Variants in PSMA7 observed in about 807,000 individuals in gnomAD.
The protein encoded by PSMA7 is proteasome subunit alpha type-7.
Under a neutral mutation model 31.3 loss-of-function variants are expected in PSMA7, and 5 were observed. The observed-to-expected ratio is 0.16, with a 90% CI of 0.08 to 0.34. The LOEUF (loss-of-function observed/expected upper bound fraction) is 0.34, where lower values mean the gene tolerates loss of function less well. Among genes scored for constraint, PSMA7 ranks in the 10% least tolerant of loss-of-function variants. The pLI, the probability that PSMA7 is intolerant of heterozygous loss-of-function variation, is 1.00. For missense variants in PSMA7, 217 were observed against 327.5 expected (o/e 0.66, Z 2.60); for synonymous variants, 155 against 121.9 (o/e 1.27, Z -1.79).
chr20:62,139,995 C>A, intron 2 of PSMA7, 90 bp from the exon 3 acceptor site: 1 of 1,477,260 alleles, frequency 6.8e-7, no homozygotes, highest in South Asian at 1.3e-5. Flanking sequence ...TAACCTTCCA[C>A]AGACCCCCCA....
intron 6 of PSMA7, 105 bp from the exon 7 acceptor site, chr20:62,137,054 C>T: frequency 2.1e-6 from 3 of 1,461,560 alleles, no homozygotes; most frequent in Non-Finnish European, 2.8e-6. Context: ...GCTCATACAG[C>T]CTCTTTGGAG....
Position 62,143,326 on chromosome 20 carries a change from C to G in PSMA7, c.-23G>C. 1 of 1,362,916 alleles carries G rather than the reference C, an allele frequency of 7.3e-7. No homozygotes were observed. Among genetic ancestry groups the G allele is most frequent in the Non-Finnish European group, 9.6e-7 (1 of 1,038,616 alleles). 84.4% of individuals were successfully genotyped at this position (1,362,916 alleles called of 1,614,324 possible). A position where few individuals can be genotyped will look rare whatever the true frequency, so the allele number is the denominator to read the frequency against. On this transcript the variant is annotated 5_prime_UTR_variant, in exon 1 of 7. Coordinates refer to ENST00000370873, the MANE Select transcript of PSMA7 (RefSeq NM_002792.4). ...CATGCCGGCGGGCGGCGGCCGGGCT[C>G]CTTCCGCCGCGACTCTCAAAAGCGC...
intron 1 of PSMA7, among the ~76,000 whole-genome samples, chr20:62,141,609 C>T (rs923874250): frequency 2.0e-5 from 3 of 152,256 alleles, no homozygotes; most frequent in Admixed American, 6.5e-5. Flanking sequence ...ATGAATCAGT[C>T]CCATGCAAAG....
chr20:62,140,542 T>C (rs2056921656), intron 2 of PSMA7, among the ~76,000 whole-genome samples: 1 of 152,342 alleles, frequency 6.6e-6, no homozygotes, highest in Admixed American at 6.5e-5. Flanking sequence ...TTCTCTAGAT[T>C]GTAACTGATT....
chr20:62,138,533 T>C (rs928393590), intron 4 of PSMA7, among the ~76,000 whole-genome samples: 1 of 151,142 alleles, frequency 6.6e-6, no homozygotes, highest in African/African-American at 2.4e-5. Context: ...TACTGCGCTA[T>C]CAAGAGGCAA....
intron 4 of PSMA7, 47 bp from the exon 5 acceptor site, chr20:62,138,337 C>G (rs2056907409): frequency 1.9e-6 from 3 of 1,548,892 alleles, no homozygotes; most frequent in Non-Finnish European, 2.6e-6. Flanking sequence ...CATGACAACC[C>G]AGGGCCAGCC....
At chr20:62,142,402 G>A (rs753025864) in intron 1 of PSMA7, 2 of 152,288 alleles carry the variant, frequency 1.3e-5, no homozygotes, top group Non-Finnish European at 2.9e-5. Context: ...ACAGAACCGT[G>A]TGTGCTGCTT....
At chr20:62,137,044 G>T in intron 6 of PSMA7, 95 bp from the exon 7 acceptor site, 1 of 1,489,388 alleles carries the variant, frequency 6.7e-7, no homozygotes, top group Non-Finnish European at 9.1e-7. Flanking sequence ...TGGCACTGCT[G>T]CTCATACAGC....
chr20:62,139,666 G>T, intron 3 of PSMA7, 115 bp downstream of exon 3: 1 of 1,535,614 alleles, frequency 6.5e-7, no homozygotes, highest in Non-Finnish European at 9.0e-7. Context: ...TTAGGATCAC[G>T]CCCCAGAATA....
chr20:62,139,102 G>A lies in PSMA7; in HGVS notation c.444C>T (p.Asp148=), dbSNP rs1463080298. 5 of 1,614,064 alleles carry A rather than the reference G, an allele frequency of 3.1e-6. No homozygotes were observed. In the African/African-American group the frequency reaches 4.0e-5, roughly 13 times the overall value. ...TCCAGGCATGGTATGTGCCCGAGGGGTCAGTCTGATAGAGCCTAGGAGTGC... is the reference window on the plus strand; with the variant it reads ...TCCAGGCATGGTATGTGCCCGAGGGATCAGTCTGATAGAGCCTAGGAGTGC... ...FDGTPRLYQT[D]PSGTYHAWKA... Residue 148 remains aspartate, a synonymous_variant, in exon 4 of 7, where the codon GAC becomes GAT. Coordinates refer to ENST00000370873, the MANE Select transcript of PSMA7 (RefSeq NM_002792.4).
In PSMA7 at chr20:62,143,213, T is replaced by G; in HGVS notation, c.91A>C (p.Thr31Pro). ...YAQEAVKKGS[T>P]AVGVRGRDIV... ...CGCAGGCCCCGCCGCCTCACCGCGG[T>G]CGAGCCCTTCTTGACGGCCTCCTGC... The change falls in exon 1 of 7, where the codon ACC becomes CCC. Residue 31 changes from threonine to proline, a missense_variant. Physicochemically the swap from Thr to Pro is conservative, Grantham distance 38 (BLOSUM62 -1). Coordinates refer to ENST00000370873, the MANE Select transcript of PSMA7 (RefSeq NM_002792.4). 1 of 1,382,674 alleles carries G rather than the reference T, an allele frequency of 7.2e-7. No homozygotes were observed. 85.7% of individuals were successfully genotyped at this position (1,382,674 alleles called of 1,614,324 possible). A position where few individuals can be genotyped will look rare whatever the true frequency, so the allele number is the denominator to read the frequency against.
chr20:62,136,836 C>G lies in PSMA7; in HGVS notation c.*21G>C, dbSNP rs749297359. 6.3e-7 allele frequency: 1 copy of G among 1,582,512 alleles called. No individual in the cohort carries two copies. The highest frequency in any genetic ancestry group is 1.2e-5 in the South Asian group (1 of 85,508). ...ATGATTGATATGAATTTAAAAATTA[C>G]AAGCAAAGACATTTTATTCATCATG... On this transcript the variant is annotated 3_prime_UTR_variant, in exon 7 of 7. Transcript: ENST00000370873.
intron 5 of PSMA7, among the ~76,000 whole-genome samples, chr20:62,137,648 C>G (rs1431378821): frequency 6.6e-6 from 1 of 152,194 alleles, no homozygotes; most frequent in Non-Finnish European, 1.5e-5. Context: ...TGGGACTCCT[C>G]TCTCCTGCAC....
chr20:62,139,559 A>G, intron 3 of PSMA7: 1 of 801,078 alleles, frequency 1.2e-6, no homozygotes, highest in Non-Finnish European at 2.0e-6. Flanking sequence ...TTCCCTCCAG[A>G]CACAGGAATT....
chr20:62,140,185 T>TA (rs1229144350), intron 2 of PSMA7, among the ~76,000 whole-genome samples: 1 of 152,136 alleles, frequency 6.6e-6, no homozygotes, highest in African/African-American at 2.4e-5. Context: ...CCATTGTAAA[T>TA]AAAAAATTGT....
chr20:62,139,236 G>A, intron 3 of PSMA7, 39 bp from the exon 4 acceptor site: 1 of 1,598,608 alleles, frequency 6.3e-7, no homozygotes. Flanking sequence ...ATCCAATTAA[G>A]AAACTGCATG....
chr20:62,140,975 A>C, intron 1 of PSMA7, 31 bp from the exon 2 acceptor site: 2 of 1,612,870 alleles, frequency 1.2e-6, no homozygotes, highest in Non-Finnish European at 1.7e-6. Flanking sequence ...CCACGTAAGA[A>C]AGTGATATGA....
chr20:62,140,899 T>G lies in PSMA7; in HGVS notation c.142A>C (p.Lys48Gln). 6.2e-7 allele frequency: 1 copy of G among 1,614,192 alleles called. No individual in the cohort carries two copies. The highest frequency in any genetic ancestry group is 8.5e-7 in the Non-Finnish European group (1 of 1,180,020). The change falls in exon 2 of 7, where the codon AAG becomes CAG. Residue 48 changes from lysine to glutamine, a missense_variant. Physicochemically the swap from Lys to Gln is moderately conservative, Grantham distance 53. Coordinates refer to ENST00000370873, the MANE Select transcript of PSMA7 (RefSeq NM_002792.4). ...TCATCCTGCAGTTTGGCCACTGACT[T>G]CTTCTCCACACCAAGAACAACAATG... ...RDIVVLGVEK[K>Q]SVAKLQDERT...
chr20:62,142,188 T>C (rs989436743), intron 1 of PSMA7, among the ~76,000 whole-genome samples: 1 of 152,198 alleles, frequency 6.6e-6, no homozygotes, highest in African/African-American at 2.4e-5. Context: ...ACTGACTCAC[T>C]TGACCTTCGA....
Sources: allele counts gnomAD v4.1 joint callset (sites outside exome capture counted in the v4.1 genomes callset), GRCh38; gene constraint gnomAD v4.1.1; transcripts MANE v1.5; gene names NCBI Gene and HGNC (gene_info 2026-07-23, HGNC 2026-07-21).